RGS12: variants seen among roughly 807,000 people sequenced by gnomAD.
RGS12 encodes the protein regulator of G-protein signaling 12.
RGS12 carries 66 observed loss-of-function variants against 120.1 expected under a neutral mutation model. The observed-to-expected ratio is 0.55, with a 90% confidence interval of 0.45 to 0.67. The LOEUF is 0.67. Among genes scored for constraint, RGS12 ranks in the 30% least tolerant of loss-of-function variants. RGS12 has a pLI of 0.00. For synonymous variants in RGS12, 827 were observed against 804.7 expected, an observed-to-expected ratio of 1.03 and a Z score of -0.47; for missense variants, 1,859 against 1,957.7, an observed-to-expected ratio of 0.95 and a Z score of 0.95.
At chr4:3,329,355 A>G (rs1711572625) in intron 2 of RGS12, among the ~76,000 whole-genome samples, 1 of 152,136 alleles carries the variant, frequency 6.6e-6, no homozygotes, top group Non-Finnish European at 1.5e-5. Context: ...GGTCAGGGCA[A>G]GGGATGACTC....
intron 3 of RGS12, among the ~76,000 whole-genome samples, chr4:3,362,933 G>A (rs746250883): frequency 5.0e-4 from 75 of 150,690 alleles, no homozygotes; most frequent in Admixed American, 8.6e-4. Context: ...TTTGGAACGC[G>A]AAGGGGTGTG....
At chr4:3,438,929 C>T (rs1451753632) in intron 17 of RGS12, among the ~76,000 whole-genome samples, 1 of 152,044 alleles carries the variant, frequency 6.6e-6, no homozygotes, top group Non-Finnish European at 1.5e-5. Context: ...GGCAGCGAGG[C>T]AGGTGGGCGA....
chr4:3,424,423 C>T lies in RGS12; in HGVS notation c.3234+782C>T, dbSNP rs182501681. On this transcript the variant is annotated intron_variant, in intron 13 of 17. Coordinates refer to ENST00000336727, the MANE Select transcript of RGS12 (RefSeq NM_001394154.1). ...CGAGGGTAACCTGAAGCCTCTTCCC[C>T]GCGCTGCAGGCTCCATCCTGGAGTC... 1.6e-3 allele frequency among the ~76,000 whole-genome samples: 237 copies of T among 152,366 alleles called. 1 individual carries two copies. Among genetic ancestry groups the T allele is most frequent in the Middle Eastern group, 6.8e-3 (2 of 294 alleles).
At chr4:3,400,067 G>C (rs946944588) in intron 4 of RGS12, among the ~76,000 whole-genome samples, 10 of 152,136 alleles carry the variant, frequency 6.6e-5, no homozygotes, top group African/African-American at 2.2e-4. Context: ...CTTCCACAAG[G>C]GGGGGCAACA....
chr4:3,294,670 A>T (rs946759359), intron 1 of RGS12, among the ~76,000 whole-genome samples: 3 of 152,090 alleles, frequency 2.0e-5, no homozygotes, highest in Non-Finnish European at 4.4e-5. Flanking sequence ...AAGTTGGTGC[A>T]CCCCTGTCTG....
chr4:3,349,982 CTTTA>C (rs1158644254), intron 3 of RGS12, among the ~76,000 whole-genome samples: 12 of 152,112 alleles, frequency 7.9e-5, no homozygotes, highest in Non-Finnish European at 1.0e-4. Flanking sequence ...CGTTTATGTA[CTTTA>C]TTTATTTTTA....
At chr4:3,330,859 C>T (rs1256881897) in intron 2 of RGS12, among the ~76,000 whole-genome samples, 1 of 152,196 alleles carries the variant, frequency 6.6e-6, no homozygotes, top group African/African-American at 2.4e-5. Context: ...TGAGATCGCT[C>T]CTTTAGCTTC....
At chr4:3,373,408 C>T (rs1484994377) in intron 3 of RGS12, among the ~76,000 whole-genome samples, 1 of 152,200 alleles carries the variant, frequency 6.6e-6, no homozygotes, top group Non-Finnish European at 1.5e-5. Context: ...GGGGGCGTGC[C>T]TGGGCTGACG....
chr4:3,373,388 A>G (rs1279432508), intron 3 of RGS12, among the ~76,000 whole-genome samples: 1 of 152,136 alleles, frequency 6.6e-6, no homozygotes. Flanking sequence ...GCAGGACACA[A>G]GAGGGTTTCG....
chr4:3,386,457 G>T lies in RGS12; in HGVS notation c.2020+20G>T, dbSNP rs1718864751. 6.3e-7 allele frequency: 1 copy of T among 1,596,528 alleles called. No homozygotes were observed. Among genetic ancestry groups the T allele is most frequent in the Non-Finnish European group, 8.6e-7 (1 of 1,165,938 alleles). ...ATGGCGGTAAGTCACAATTTCTGAT[G>T]TATATATTTTTTATTTTTCATAAAG... On this transcript the variant is annotated intron_variant, in intron 4 of 17. Transcript: ENST00000336727.
At chr4:3,323,621 C>T (rs1725352823) in intron 2 of RGS12, among the ~76,000 whole-genome samples, 1 of 152,130 alleles carries the variant, frequency 6.6e-6, no homozygotes, top group Non-Finnish European at 1.5e-5. Context: ...ATGCCTGTGC[C>T]ATTTCTTACT....
chr4:3,392,058 G>A (rs1024997429), intron 4 of RGS12, among the ~76,000 whole-genome samples: 7 of 152,158 alleles, frequency 4.6e-5, no homozygotes, highest in African/African-American at 1.7e-4. Context: ...CAGAAAGAAA[G>A]CATTATGTAG....
chr4:3,307,802 T>G lies in RGS12; in HGVS notation c.-101-8268T>G, dbSNP rs1724056767. 2.6e-5 allele frequency among the ~76,000 whole-genome samples: 4 copies of G among 152,344 alleles called. No individual in the cohort carries two copies. The South Asian group carries it at 8.3e-4, about 32-fold the overall frequency. ...GAACTCCTTTAAGTGCCCTGGTGTTTGGGCGGGAGACGCGAAATTCTACAC... is the reference window on the plus strand; with the variant it reads ...GAACTCCTTTAAGTGCCCTGGTGTTGGGGCGGGAGACGCGAAATTCTACAC... On this transcript the variant is annotated intron_variant, in intron 1 of 17. Transcript: ENST00000336727.
rs562049175 is a variant in RGS12, at chr4:3,308,295, C to T, written c.-101-7775C>T. The stretch of plus-strand genomic sequence containing the variant: ...CACATGTGACGATCTCAACAGCCGG[C>T]GTTAGTAAGAGGCTGTGTCCTCGAC... On this transcript the variant is annotated intron_variant, in intron 1 of 17. Transcript: ENST00000336727. Among the ~76,000 whole-genome samples, 47 of 152,338 alleles carry T rather than the reference C, an allele frequency of 3.1e-4. No individual in the cohort carries two copies. In the East Asian group the frequency reaches 7.1e-3, roughly 23 times the overall value.
rs553294453 is a variant in RGS12, at chr4:3,384,922, A to G, written c.1999-1494A>G. Among the ~76,000 whole-genome samples the G allele has an allele frequency of 2.0e-5, 3 of 152,298 alleles. No homozygotes were observed. The South Asian group carries it at 6.2e-4, about 32-fold the overall frequency. ...TGCCCTTGCCGGCAGGCTGGGAGGC[A>G]GGGCTGGGGCCCTGTGCCGAGGTTG... is the stretch of plus-strand genomic sequence containing the variant. On this transcript the variant is annotated intron_variant, in intron 3 of 17. Coordinates refer to ENST00000336727, the MANE Select transcript of RGS12 (RefSeq NM_001394154.1).
chr4:3,420,910 C>T (rs570784549), intron 10 of RGS12, among the ~76,000 whole-genome samples, 192 bp downstream of exon 10: 73 of 152,358 alleles, frequency 4.8e-4, no homozygotes, highest in East Asian at 3.9e-4. Context: ...CATCAGGCCC[C>T]GGCCTCATGG....
intron 1 of RGS12, among the ~76,000 whole-genome samples, chr4:3,313,353 C>T (rs1373145436): frequency 1.3e-5 from 2 of 152,210 alleles, no homozygotes; most frequent in African/African-American, 2.4e-5. Flanking sequence ...TGTCCTGGGG[C>T]TGTTCACAGT....
In RGS12 at chr4:3,433,065, G is replaced by A. The variant is rs962227570; in HGVS notation, c.4114+2110G>A. On this transcript the variant is annotated intron_variant, in intron 17 of 17. Transcript: ENST00000336727. This position sits in a 1 kb window ranked among gnomAD's most constrained non-coding sequence, Gnocchi z 4.4. ...GAGTTCACCTGCCCATGGCGGCAAA[G>A]GAAACAGGCTGTGAATGCCGTGGTG... Among the ~76,000 whole-genome samples the A allele has an allele frequency of 1.3e-5, 2 of 152,246 alleles. No homozygotes were observed. Among genetic ancestry groups the A allele is most frequent in the Admixed American group, 1.3e-4 (2 of 15,288 alleles).
chr4:3,420,534 G>GGGGGGCCC (rs1722896284), intron 9 of RGS12, 108 bp from the exon 10 acceptor site: 1 of 1,000,112 alleles, frequency 1.0e-6, no homozygotes. Context: ...GGGTGGGGGG[G>GGGGGGCCC]GCTTCCTGGC....
Sources: allele counts gnomAD v4.1 joint callset (sites outside exome capture counted in the v4.1 genomes callset), GRCh38; gene constraint gnomAD v4.1.1; non-coding constraint Gnocchi (gnomAD v3.1); transcripts MANE v1.5; gene names NCBI Gene and HGNC (gene_info 2026-07-23, HGNC 2026-07-21).